The following FOXP1 variants were observed in gnomAD, a reference collection of about 807,000 sequenced individuals.
FOXP1 encodes forkhead box protein P1.
In FOXP1, 15 loss-of-function variants were observed where a neutral mutation model predicts 98.2. The ratio of observed to expected loss-of-function variants is 0.15; its 90% CI spans 0.10 to 0.24. FOXP1 has a LOEUF of 0.24. Among genes scored for constraint, FOXP1 ranks in the 10% least tolerant of loss-of-function variants. The probability of loss-of-function intolerance (pLI) is 1.00; values close to 1 mark genes in which losing one functional copy is unlikely to be tolerated. For synonymous variants in FOXP1, 371 were observed against 314.5 expected, an observed-to-expected ratio of 1.18 and a Z score of -1.90; for missense variants, 633 against 848.5, an observed-to-expected ratio of 0.75 and a Z score of 3.15.
chr3:70,976,557 G>A (rs1000505872), intron 17 of FOXP1, among the ~76,000 whole-genome samples: 1 of 152,130 alleles, frequency 6.6e-6, no homozygotes, highest in Non-Finnish European at 1.5e-5. Flanking sequence ...TCCATCTCTG[G>A]AGATAGATCG....
chr3:71,105,219 C>G (rs1010676356), intron 7 of FOXP1, among the ~76,000 whole-genome samples: 18 of 150,574 alleles, frequency 1.2e-4, no homozygotes, highest in Non-Finnish European at 2.1e-4. Flanking sequence ...CTTTTTTTTT[C>G]CCCCTCTTTC....
chr3:71,250,866 G>A (rs1485989699), intron 5 of FOXP1, among the ~76,000 whole-genome samples: 1 of 152,164 alleles, frequency 6.6e-6, no homozygotes, highest in Non-Finnish European at 1.5e-5. Context: ...AGGAGGCGGA[G>A]GTTGCAGTGA....
At chr3:71,084,017 T>A (rs984365646) in intron 7 of FOXP1, among the ~76,000 whole-genome samples, 5 of 152,190 alleles carry the variant, frequency 3.3e-5, no homozygotes, top group Non-Finnish European at 5.9e-5. Flanking sequence ...GTTGCAAATC[T>A]TGGTTCATCT....
intron 3 of FOXP1, among the ~76,000 whole-genome samples, chr3:71,389,011 G>T (rs2108106262): frequency 6.6e-6 from 1 of 152,094 alleles, no homozygotes. Context: ...GCTTTGGGAG[G>T]ATGTTAATAA....
chr3:71,378,788 A>AATTCT (rs2079921995), intron 3 of FOXP1, among the ~76,000 whole-genome samples: 1 of 151,900 alleles, frequency 6.6e-6, no homozygotes, highest in Non-Finnish European at 1.5e-5. Context: ...TCTGTACCTA[A>AATTCT]GTTATAAATT....
intron 3 of FOXP1, among the ~76,000 whole-genome samples, chr3:71,399,112 T>A (rs2108196875): frequency 6.6e-6 from 1 of 152,326 alleles, no homozygotes; most frequent in African/African-American, 2.4e-5. Context: ...ACTTTCTGTG[T>A]TAGGAAAGAA....
intron 5 of FOXP1, among the ~76,000 whole-genome samples, chr3:71,274,949 T>C (rs2070745613): frequency 6.6e-6 from 1 of 152,200 alleles, no homozygotes; most frequent in East Asian, 1.9e-4. Context: ...AAATGCATAT[T>C]ATACTCATAT....
intron 3 of FOXP1, among the ~76,000 whole-genome samples, chr3:71,420,619 T>C (rs1246964185): frequency 2.0e-5 from 3 of 152,164 alleles, no homozygotes; most frequent in Admixed American, 1.3e-4. Flanking sequence ...AACCAGACCC[T>C]GCCCAAGTGG....
chr3:71,529,305 T>C (rs1243353355), intron 2 of FOXP1, among the ~76,000 whole-genome samples: 2 of 152,238 alleles, frequency 1.3e-5, no homozygotes, highest in Non-Finnish European at 2.9e-5. Flanking sequence ...TGAAAGAAAG[T>C]ACTAGTGTGT....
chr3:71,503,340 T>C (rs2041547740), intron 2 of FOXP1, among the ~76,000 whole-genome samples: 1 of 152,062 alleles, frequency 6.6e-6, no homozygotes, highest in Non-Finnish European at 1.5e-5. Context: ...CTTGCTAAAA[T>C]AAATAAAGCC....
At position 71,013,730 on chromosome 3, in the gene FOXP1, C is replaced by T. The variant is rs2044014511; in HGVS notation, c.974+1819G>A. Among the ~76,000 whole-genome samples, 3 of 152,144 alleles carry T rather than the reference C, an allele frequency of 2.0e-5. No homozygotes were observed. In the South Asian group the frequency reaches 6.2e-4, roughly 32 times the overall value. ...AAAAAGAACAAAGCTGGAGGCATCA[C>T]ACTACCTGACTTCAAACTATACTAC... On this transcript the variant is annotated intron_variant, in intron 12 of 20. Coordinates refer to ENST00000649528, the MANE Select transcript of FOXP1 (RefSeq NM_001349338.3).
intron 5 of FOXP1, among the ~76,000 whole-genome samples, chr3:71,232,851 T>C (rs545693940): frequency 1.1e-5 from 1 of 94,782 alleles, no homozygotes; most frequent in Admixed American, 1.5e-4. Context: ...CGAGCTGAGA[T>C]CGTGCCACAG....
chr3:71,443,497 G>A (rs2086134554), intron 3 of FOXP1, among the ~76,000 whole-genome samples: 1 of 152,172 alleles, frequency 6.6e-6, no homozygotes, highest in Non-Finnish European at 1.5e-5. Context: ...CCCTCCAGGT[G>A]ACCCTGATGC....
chr3:71,098,590 G>A (rs2056686692), intron 7 of FOXP1, among the ~76,000 whole-genome samples: 1 of 152,098 alleles, frequency 6.6e-6, no homozygotes, highest in Admixed American at 6.5e-5. Context: ...CTGTGAACCA[G>A]TATCAATTTT....
intron 3 of FOXP1, among the ~76,000 whole-genome samples, chr3:71,368,631 T>A (rs2079082652): frequency 6.6e-6 from 1 of 152,216 alleles, no homozygotes; most frequent in Non-Finnish European, 1.5e-5. Context: ...ACATGATAAC[T>A]AATTTCACTG....
chr3:71,325,617 A>G (rs1313216337), intron 4 of FOXP1, among the ~76,000 whole-genome samples: 2 of 151,938 alleles, frequency 1.3e-5, no homozygotes, highest in African/African-American at 2.4e-5. Context: ...CAGCCTTCAT[A>G]TTAAGGGCCT....
In FOXP1 at chr3:71,377,556, C is replaced by G. The variant is rs73117198; in HGVS notation, c.-167-18312G>C. On this transcript the variant is annotated intron_variant, in intron 3 of 20. Coordinates refer to ENST00000649528, the MANE Select transcript of FOXP1 (RefSeq NM_001349338.3). The stretch of plus-strand genomic sequence containing the variant: ...AGGCTTAAAATACTAAATAACCCCC[C>G]CAAGGTCACCGAGTTCCTAAGTAGC... Among the ~76,000 whole-genome samples, 587 of 152,250 alleles carry G rather than the reference C, an allele frequency of 3.9e-3. 2 individuals are homozygous for G. The highest frequency in any genetic ancestry group is 5.4e-3 in the Non-Finnish European group (369 of 68,018).
chr3:71,133,677 TA>T (rs201177954), intron 6 of FOXP1, among the ~76,000 whole-genome samples: 3,683 of 139,042 alleles, frequency 0.026, 65 homozygotes, highest in African/African-American at 0.057. Flanking sequence ...CTCCTCTAAA[TA>T]AAAAAAAAAA....
At position 71,583,677 on chromosome 3, in the gene FOXP1, C is replaced by T; in HGVS notation, c.-553G>A. ...CCCCGCGCACACACTCACTCGCGCA[C>T]ACACGCGCGCACACACGCACTCCCG... On this transcript the variant is annotated 5_prime_UTR_variant, in exon 1 of 21. It adds an upstream start codon to the 5' untranslated region. Coordinates refer to ENST00000649528, the MANE Select transcript of FOXP1 (RefSeq NM_001349338.3). 1.0e-6 allele frequency: 1 copy of T among 984,592 alleles called. No homozygotes were observed. The highest frequency in any genetic ancestry group is 1.2e-6 in the Non-Finnish European group (1 of 829,618). The allele number at this position is 984,592 out of a possible 1,614,324, so 61.0% of individuals were successfully genotyped here.
Sources: gnomAD v4.1 joint callset for allele counts (sites outside exome capture counted in the v4.1 genomes callset) on GRCh38, gnomAD v4.1.1 for gene constraint, MANE v1.5 for transcripts, NCBI Gene and HGNC (gene_info 2026-07-23, HGNC 2026-07-21) for gene names.